The following FAM124A variants were observed in gnomAD, a reference collection of about 807,000 sequenced individuals.
The protein encoded by FAM124A is family with sequence similarity 124 member A, also known as protein FAM124A.
In FAM124A, 23 loss-of-function variants were observed where a neutral mutation model predicts 24.5. The ratio of observed to expected loss-of-function variants is 0.94; its 90% confidence interval spans 0.68 to 1.33. The LOEUF is 1.33. Ranked by LOEUF, FAM124A falls within the 40% of genes most tolerant of loss-of-function variation. The pLI, the probability that FAM124A is intolerant of heterozygous loss-of-function variation, is 0.00. For missense variants in FAM124A, 623 were observed against 722.8 expected (o/e 0.86, Z 1.58); for synonymous variants, 287 against 314.7 (o/e 0.91, Z 0.93).
chr13:51,235,430 A>G (rs955564380), intron 2 of FAM124A, among the ~76,000 whole-genome samples: 11 of 152,158 alleles, frequency 7.2e-5, no homozygotes, highest in African/African-American at 1.7e-4. Flanking sequence ...CGAAATTTGC[A>G]TCATGTGTGA....
At chr13:51,231,553 A>T (rs145753746) in intron 2 of FAM124A, among the ~76,000 whole-genome samples, 174 bp downstream of exon 2, 6 of 152,336 alleles carry the variant, frequency 3.9e-5, no homozygotes, top group Non-Finnish European at 5.9e-5. Flanking sequence ...TTCCTGGAGA[A>T]TCTGATCATA....
intron 2 of FAM124A, among the ~76,000 whole-genome samples, chr13:51,239,052 G>T (rs767278315): frequency 6.6e-6 from 1 of 152,116 alleles, no homozygotes; most frequent in Non-Finnish European, 1.5e-5. Context: ...CAGACTTCTC[G>T]TGACTACTTT....
At chr13:51,280,409 T>C in intron 3 of FAM124A, 41 bp from the exon 4 acceptor site, 1 of 1,504,264 alleles carries the variant, frequency 6.6e-7, no homozygotes, top group Non-Finnish European at 9.0e-7. Context: ...CATTTAACAA[T>C]TCCCATCCTG....
Position 51,283,465 on chromosome 13 carries a change from A to C in FAM124A, c.*2209A>C, listed in dbSNP as rs1214453286. On this transcript the variant is annotated 3_prime_UTR_variant, in exon 4 of 4. Coordinates refer to ENST00000322475, the MANE Select transcript of FAM124A (RefSeq NM_001242312.2). ...ACATCCCAGCTCCAGTCAACAACAA[A>C]AATTCTAAGTCTCCCGCCTAATGCT... 9 of 152,156 alleles carry C rather than the reference A, an allele frequency of 5.9e-5. No homozygotes were observed. The highest frequency in any genetic ancestry group is 1.2e-4 in the Non-Finnish European group (8 of 68,058). The allele number at this position is 152,156 out of a possible 1,614,324, so 9.4% of individuals were successfully genotyped here. A position where few individuals can be genotyped will look rare whatever the true frequency, so the allele number is the denominator to read the frequency against.
chr13:51,240,296 G>A (rs577833029), intron 2 of FAM124A, among the ~76,000 whole-genome samples: 5 of 152,086 alleles, frequency 3.3e-5, no homozygotes, highest in Admixed American at 6.5e-5. Flanking sequence ...CACCTGATTC[G>A]GGAAGGGAAG....
intron 2 of FAM124A, among the ~76,000 whole-genome samples, chr13:51,248,431 G>A (rs982917080): frequency 1.3e-5 from 2 of 152,310 alleles, no homozygotes; most frequent in South Asian, 2.1e-4. Context: ...TGTAAGTACT[G>A]CTGGGTAACA....
intron 3 of FAM124A, among the ~76,000 whole-genome samples, chr13:51,265,692 T>C (rs534545137): frequency 1.3e-5 from 2 of 152,116 alleles, no homozygotes; most frequent in Admixed American, 6.5e-5. Flanking sequence ...GCCACCACCA[T>C]CATCATCATC....
intron 1 of FAM124A, among the ~76,000 whole-genome samples, chr13:51,230,180 A>G (rs773210511): frequency 9.2e-5 from 14 of 152,240 alleles, no homozygotes; most frequent in Non-Finnish European, 1.8e-4. Flanking sequence ...CATGACTACT[A>G]AAGTATTTCA....
At chr13:51,240,527 T>C (rs1431819616) in intron 2 of FAM124A, among the ~76,000 whole-genome samples, 2 of 152,226 alleles carry the variant, frequency 1.3e-5, no homozygotes, top group East Asian at 3.8e-4. Flanking sequence ...AATATTTCAT[T>C]GCCCCAGGCT....
chr13:51,230,075 T>TTATATATATA (rs5803560), intron 1 of FAM124A, among the ~76,000 whole-genome samples: 121 of 151,014 alleles, frequency 8.0e-4, no homozygotes, highest in African/African-American at 2.6e-3. Flanking sequence ...AAATATTGAA[T>TTATATATATA]TATATATATA....
chr13:51,254,074 C>A (rs1954652408), intron 3 of FAM124A, among the ~76,000 whole-genome samples: 1 of 152,104 alleles, frequency 6.6e-6, no homozygotes, highest in Non-Finnish European at 1.5e-5. Flanking sequence ...GTATTTCAGT[C>A]TTCAGCAAAA....
intron 3 of FAM124A, among the ~76,000 whole-genome samples, chr13:51,271,266 T>C (rs1954837980): frequency 6.6e-6 from 1 of 152,188 alleles, no homozygotes; most frequent in Admixed American, 6.5e-5. Context: ...CAGGGCACAG[T>C]TTTTCTAGGT....
At chr13:51,276,090 T>C (rs1345285049) in intron 3 of FAM124A, among the ~76,000 whole-genome samples, 1 of 152,184 alleles carries the variant, frequency 6.6e-6, no homozygotes, top group Non-Finnish European at 1.5e-5. Context: ...GTTAGGATTC[T>C]AGAAAGACAC....
chr13:51,250,192 A>C (rs10492519), intron 2 of FAM124A, among the ~76,000 whole-genome samples: 2 of 151,880 alleles, frequency 1.3e-5, no homozygotes, highest in Non-Finnish European at 2.9e-5. Flanking sequence ...TACCATAAAA[A>C]AATTTTCATC....
rs1450477443 is a variant in FAM124A, at chr13:51,283,394, A to G, written c.*2138A>G. 5 of 152,202 alleles carry G rather than the reference A, an allele frequency of 3.3e-5. No individual in the cohort carries two copies. 9.4% of individuals were successfully genotyped at this position (152,202 alleles called of 1,614,324 possible). On this transcript the variant is annotated 3_prime_UTR_variant, in exon 4 of 4. Coordinates refer to ENST00000322475, the MANE Select transcript of FAM124A (RefSeq NM_001242312.2). Reference sequence around the variant, plus strand: ...GTGGGCCAGATTTGGCCCAAGGGTCATAGTTTATTATCCCTTGAGCTAGGC... The same window carrying G: ...GTGGGCCAGATTTGGCCCAAGGGTCGTAGTTTATTATCCCTTGAGCTAGGC...
At chr13:51,231,520 T>C in intron 2 of FAM124A, 141 bp downstream of exon 2, 1 of 858,660 alleles carries the variant, frequency 1.2e-6, no homozygotes, top group Non-Finnish European at 1.7e-6. Context: ...TACAGGATGC[T>C]GTAACTCTGG....
intron 3 of FAM124A, among the ~76,000 whole-genome samples, chr13:51,262,077 A>G (rs1002398422): frequency 2.6e-5 from 4 of 152,242 alleles, no homozygotes; most frequent in African/African-American, 7.2e-5. Context: ...AAAACAGGAA[A>G]GCATAGCCAA....
At chr13:51,256,395 C>T (rs151163341) in intron 3 of FAM124A, among the ~76,000 whole-genome samples, 115 of 152,280 alleles carry the variant, frequency 7.6e-4, no homozygotes, top group Non-Finnish European at 1.3e-3. Flanking sequence ...CTGCAACTAA[C>T]GGTTTTAAAT....
Position 51,231,387 on chromosome 13 carries a change from T to C in FAM124A, c.100+8T>C. 1 of 1,613,930 alleles carries C rather than the reference T, an allele frequency of 6.2e-7. No homozygotes were observed. Among genetic ancestry groups the C allele is most frequent in the East Asian group, 2.2e-5 (1 of 44,876 alleles). On this transcript the variant is annotated splice_region_variant and intron_variant, in intron 2 of 3. Coordinates refer to ENST00000322475, the MANE Select transcript of FAM124A (RefSeq NM_001242312.2). ...ACCTGTCCTCCACGAGCAGTAAGTA[T>C]CTTTTAAACATCCTTCAGCATTGTC...
Sources: allele counts gnomAD v4.1 joint callset (sites outside exome capture counted in the v4.1 genomes callset), GRCh38; gene constraint gnomAD v4.1.1; transcripts MANE v1.5; gene names NCBI Gene and HGNC (gene_info 2026-07-23, HGNC 2026-07-21).